Variants in CDON observed in about 807,000 individuals in gnomAD.
CDON encodes the protein cell adhesion molecule-related/down-regulated by oncogenes.
CDON carries 73 observed loss-of-function variants against 120.9 expected under a neutral mutation model. The ratio of observed to expected loss-of-function variants is 0.60; its 90% confidence interval spans 0.50 to 0.73. The LOEUF (loss-of-function observed/expected upper bound fraction) is 0.73, where lower values mean the gene tolerates loss of function less well. Among genes scored for constraint, CDON ranks in the 30% least tolerant of loss-of-function variants. The pLI is 0.00. For synonymous variants in CDON, 566 were observed against 573.5 expected (o/e 0.99, Z 0.19); for missense variants, 1,470 against 1,587.3 (o/e 0.93, Z 1.26).
At chr11:125,987,730 T>C (rs1946510067) in intron 15 of CDON, among the ~76,000 whole-genome samples, 1 of 152,226 alleles carries the variant, frequency 6.6e-6, no homozygotes, top group Non-Finnish European at 1.5e-5. Flanking sequence ...ACAGAGATGA[T>C]AAATTTCATT....
chr11:126,031,041 G>A (rs554371607), intron 1 of CDON, among the ~76,000 whole-genome samples: 4 of 152,272 alleles, frequency 2.6e-5, no homozygotes, highest in African/African-American at 9.6e-5. Flanking sequence ...AGAAGGGCAC[G>A]AACATAATTA....
In CDON at chr11:126,023,527, T is replaced by G. The variant is rs11822173; in HGVS notation, c.-51A>C. The stretch of plus-strand genomic sequence containing the variant: ...GACAGGCTTCCAGAGCAAAACCCAG[T>G]CCTTGGTTCACTAAAAAAGAAAAAG... On this transcript the variant is annotated 5_prime_UTR_variant, in exon 2 of 20. Transcript: ENST00000531738. 5.1e-3 allele frequency: 6,525 copies of G among 1,277,840 alleles called. 232 individuals are homozygous for G. The African/African-American group carries it at 0.082, about 16-fold the overall frequency. 79.2% of individuals were successfully genotyped at this position (1,277,840 alleles called of 1,614,324 possible). A position where few individuals can be genotyped will look rare whatever the true frequency, so the allele number is the denominator to read the frequency against.
In CDON at chr11:126,017,246, T is replaced by G; in HGVS notation, c.770A>C (p.Lys257Thr). ...GVPAPQVYWL[K>T]DGQDIAPGSN... The stretch of plus-strand genomic sequence containing the variant: ...TCCTGGTGCAATGTCCTGCCCGTCC[T>G]TTAGCCAATACACTTGAGGAGCCGG... Residue 257 changes from lysine to threonine, a missense_variant, in exon 6 of 20, where the codon AAG becomes ACG. Physicochemically the swap from Lys to Thr is moderately conservative, Grantham distance 78. Coordinates refer to ENST00000531738, the MANE Select transcript of CDON (RefSeq NM_001378964.1). 4 of 1,614,126 alleles carry G rather than the reference T, an allele frequency of 2.5e-6. No homozygotes were observed. The highest frequency in any genetic ancestry group is 3.4e-6 in the Non-Finnish European group (4 of 1,180,014).
intron 12 of CDON, among the ~76,000 whole-genome samples, chr11:125,996,857 C>T (rs774686193): frequency 6.0e-5 from 9 of 151,110 alleles, no homozygotes; most frequent in South Asian, 2.1e-4. Flanking sequence ...TTTAACAATT[C>T]GAAAAAAAAT....
intron 12 of CDON, among the ~76,000 whole-genome samples, chr11:125,996,174 A>G (rs1276159961): frequency 4.8e-5 from 5 of 103,576 alleles, no homozygotes; most frequent in Non-Finnish European, 1.0e-4. Context: ...ACACACACAC[A>G]CACACACACA....
intron 16 of CDON, among the ~76,000 whole-genome samples, chr11:125,981,943 A>G (rs577112698): frequency 7.4e-5 from 11 of 148,516 alleles, no homozygotes; most frequent in African/African-American, 2.7e-4. Context: ...GGTGTGGAGT[A>G]CCAAAGGCAA....
chr11:125,967,284 G>C (rs938112309), intron 18 of CDON, among the ~76,000 whole-genome samples: 4 of 152,146 alleles, frequency 2.6e-5, no homozygotes, highest in Admixed American at 6.5e-5. Flanking sequence ...TGTCATAATG[G>C]CTAGCACCAA....
At chr11:126,054,461 T>C (rs1054686565) in intron 1 of CDON, among the ~76,000 whole-genome samples, 1 of 152,246 alleles carries the variant, frequency 6.6e-6, no homozygotes, top group Non-Finnish European at 1.5e-5. Flanking sequence ...TTTTTCTTTA[T>C]CTAAAGCTTT....
rs540516241 is a variant in CDON at position 125,958,050 on chromosome 11, G to C, written c.*2892C>G. The C allele has an allele frequency of 6.6e-6, 1 of 152,328 alleles. No individual in the cohort carries two copies. The highest frequency in any genetic ancestry group is 2.4e-5 in the African/African-American group (1 of 41,558). The allele number at this position is 152,328 out of a possible 1,614,324, so 9.4% of individuals were successfully genotyped here. On this transcript the variant is annotated 3_prime_UTR_variant, in exon 20 of 20. Coordinates refer to ENST00000531738, the MANE Select transcript of CDON (RefSeq NM_001378964.1). ...AGGGGGCGTCAAGGGGAGAAATGTG[G>C]ACCTCTGGAAGACGAAGTCATAAGC...
At position 126,006,141 on chromosome 11, in the gene CDON, C is replaced by T. The variant is rs1015483527; in HGVS notation, c.1553-84G>A. The T allele has an allele frequency of 1.5e-4, 183 of 1,253,478 alleles. 1 individual carries two copies. In the South Asian group the frequency reaches 2.0e-3, roughly 14 times the overall value. The allele number at this position is 1,253,478 out of a possible 1,614,324, so 77.6% of individuals were successfully genotyped here. ...CCAGTTTGTGACGTGACTGCCCTCA[C>T]TTGTATTGTTAGCACAATTTGAGCC... is the stretch of plus-strand genomic sequence containing the variant. On this transcript the variant is annotated intron_variant, in intron 8 of 19. Transcript: ENST00000531738.
intron 1 of CDON, among the ~76,000 whole-genome samples, chr11:126,030,352 C>A (rs961956908): frequency 6.6e-6 from 1 of 152,174 alleles, no homozygotes; most frequent in African/African-American, 2.4e-5. Flanking sequence ...GTTTTTGAAG[C>A]AACGCCTTTG....
At chr11:126,018,056 C>T (rs1413682488) in intron 5 of CDON, among the ~76,000 whole-genome samples, 1 of 152,088 alleles carries the variant, frequency 6.6e-6, no homozygotes, top group Non-Finnish European at 1.5e-5. Context: ...TGTGCTGCCA[C>T]ACCCAGCTAA....
intron 9 of CDON, 61 bp from the exon 10 acceptor site, chr11:126,004,137 G>C (rs530995401): frequency 1.3e-6 from 2 of 1,521,050 alleles, no homozygotes; most frequent in African/African-American, 1.4e-5. Flanking sequence ...GAAATCTTTC[G>C]GTCACATTTG....
At chr11:126,011,192 G>T (rs1320260154) in intron 7 of CDON, among the ~76,000 whole-genome samples, 1 of 152,154 alleles carries the variant, frequency 6.6e-6, no homozygotes, top group Non-Finnish European at 1.5e-5. Flanking sequence ...GATGATACCT[G>T]TATGTTTTTT....
At chr11:126,022,893 T>C (rs1947680824) in intron 2 of CDON, among the ~76,000 whole-genome samples, 4 of 152,178 alleles carry the variant, frequency 2.6e-5, no homozygotes, top group Admixed American at 6.5e-5. Context: ...GGGGCTTACA[T>C]ACACATTTAA....
chr11:125,986,950 G>A (rs1196591127), intron 15 of CDON, among the ~76,000 whole-genome samples: 3 of 152,136 alleles, frequency 2.0e-5, no homozygotes, highest in Admixed American at 1.3e-4. Flanking sequence ...AGATGCTAAA[G>A]GAAATTTCTA....
chr11:125,981,358 A>ACG, intron 16 of CDON, 29 bp from the exon 17 acceptor site: 1 of 1,363,128 alleles, frequency 7.3e-7, no homozygotes, highest in Non-Finnish European at 1.0e-6. Context: ...AAAGACACAC[A>ACG]CGCACACACA....
At chr11:125,980,950 G>C in intron 17 of CDON, 99 bp downstream of exon 17, 2 of 1,212,248 alleles carry the variant, frequency 1.6e-6, no homozygotes, top group Non-Finnish European at 2.4e-6. Flanking sequence ...GGAAACTTGT[G>C]AGGTTTCTAT....
intron 6 of CDON, among the ~76,000 whole-genome samples, 153 bp from the exon 7 acceptor site, chr11:126,015,663 A>C (rs1331977101): frequency 1.3e-5 from 2 of 152,212 alleles, no homozygotes; most frequent in African/African-American, 2.4e-5. Flanking sequence ...GTAATCAAGA[A>C]AAAAATTAGA....
Sources: gnomAD v4.1 joint callset for allele counts (sites outside exome capture counted in the v4.1 genomes callset) on GRCh38, gnomAD v4.1.1 for gene constraint, MANE v1.5 for transcripts, NCBI Gene and HGNC (gene_info 2026-07-23, HGNC 2026-07-21) for gene names.